The following APIP variants were observed in gnomAD, a reference collection of about 807,000 sequenced individuals.
APIP encodes methylthioribulose-1-phosphate dehydratase.
In APIP, 32 loss-of-function variants were observed where a neutral mutation model predicts 32.0. The ratio of observed to expected loss-of-function variants is 1.00; its 90% CI spans 0.76 to 1.34. APIP has a LOEUF of 1.34. APIP is among the 40% of genes most tolerant of loss of function. The pLI is 0.00. For synonymous variants in APIP, 92 were observed against 94.8 expected, an observed-to-expected ratio of 0.97 and a Z score of 0.17; for missense variants, 247 against 298.6, an observed-to-expected ratio of 0.83 and a Z score of 1.27.
Position 34,916,214 on chromosome 11 carries a change from G to A in APIP, c.57+14C>T, listed in dbSNP as rs1458138532. ...CCTCCTGGGAATACCGGGCACCGGT[G>A]GCCCCGCCCCTACCTGCGCGCCGCA... On this transcript the variant is annotated intron_variant, in intron 1 of 6. Coordinates refer to ENST00000395787, the MANE Select transcript of APIP (RefSeq NM_015957.4). 27 of 1,607,690 alleles carry A rather than the reference G, an allele frequency of 1.7e-5. No homozygotes were observed. The highest frequency in any genetic ancestry group is 2.2e-5 in the East Asian group (1 of 44,666).
In APIP at chr11:34,895,102, C is replaced by T. The variant is rs772161868; in HGVS notation, c.66G>A (p.Glu22=). The T allele has an allele frequency of 6.2e-7, 1 of 1,612,988 alleles. No individual in the cohort carries two copies. The highest frequency in any genetic ancestry group is 1.1e-5 in the South Asian group (1 of 91,040). ...GTTCTGGGATCAGGTATCTTGGATG[C>T]TCCTTGTCCTTAAAAAGAAGGTAAT... is the stretch of plus-strand genomic sequence containing the variant. The part of the protein sequence containing the change: ...CSRRCGAQDK[E]HPRYLIPELC... The change falls in exon 2 of 7, where the codon GAG becomes GAA. Residue 22 remains glutamate, a synonymous_variant. Coordinates refer to ENST00000395787, the MANE Select transcript of APIP (RefSeq NM_015957.4).
intron 5 of APIP, among the ~76,000 whole-genome samples, chr11:34,885,417 G>A (rs1853050164): frequency 6.6e-6 from 1 of 151,886 alleles, no homozygotes. Context: ...AGACCTGGTG[G>A]ACTGAACAAA....
At chr11:34,912,997 C>T (rs1278593466) in intron 1 of APIP, among the ~76,000 whole-genome samples, 1 of 152,160 alleles carries the variant, frequency 6.6e-6, no homozygotes, top group Non-Finnish European at 1.5e-5. Context: ...GACCACCAGG[C>T]CCCAATCACT....
At chr11:34,890,053 G>A (rs1207731440) in intron 3 of APIP, among the ~76,000 whole-genome samples, 1 of 151,784 alleles carries the variant, frequency 6.6e-6, no homozygotes, top group Non-Finnish European at 1.5e-5. Flanking sequence ...ACTAGATTTG[G>A]GGTATTATTC....
chr11:34,906,449 A>G (rs1400391902), intron 1 of APIP, among the ~76,000 whole-genome samples: 15 of 152,190 alleles, frequency 9.9e-5, no homozygotes, highest in Admixed American at 9.8e-4. Context: ...AAAACCATGA[A>G]TGGGAAATTC....
At chr11:34,893,449 T>C (rs1853212086) in intron 2 of APIP, among the ~76,000 whole-genome samples, 2 of 152,240 alleles carry the variant, frequency 1.3e-5, no homozygotes, top group Admixed American at 1.3e-4. Context: ...GAAACTATAT[T>C]ACTGGGACTC....
At chr11:34,889,407 CAGAA>C (rs1167959895) in intron 3 of APIP, among the ~76,000 whole-genome samples, 1 of 151,780 alleles carries the variant, frequency 6.6e-6, no homozygotes, top group African/African-American at 2.4e-5. Flanking sequence ...AGATGGTACT[CAGAA>C]AGGTTAATCT....
chr11:34,909,221 G>A lies in APIP; in HGVS notation c.57+7007C>T, dbSNP rs60248968. 5.5e-3 allele frequency among the ~76,000 whole-genome samples: 837 copies of A among 152,160 alleles called. 12 individuals carry two copies. Among genetic ancestry groups the A allele is most frequent in the African/African-American group, 0.019 (799 of 41,522 alleles). On this transcript the variant is annotated intron_variant, in intron 1 of 6. Transcript: ENST00000395787. ...GCTGAGTAGCTGAGTGGATGATATC[G>A]TTCCCTGGGATGTGGGTCAGAAACA...
rs1022315775 is a variant in APIP, at chr11:34,882,860, A to G, written c.630-44T>C. The G allele has an allele frequency of 3.1e-6, 4 of 1,283,760 alleles. No homozygotes were observed. In the South Asian group the frequency reaches 5.1e-5, roughly 16 times the overall value. 79.5% of individuals were successfully genotyped at this position (1,283,760 alleles called of 1,614,324 possible). On this transcript the variant is annotated intron_variant, in intron 6 of 6. Coordinates refer to ENST00000395787, the MANE Select transcript of APIP (RefSeq NM_015957.4). ...AAAGAACCAGTGTTTATCGAAACAG[A>G]GTTCTCCAATCCTAAAGAATCACAT...
chr11:34,896,496 C>T (rs1853273638), intron 1 of APIP, among the ~76,000 whole-genome samples: 1 of 152,164 alleles, frequency 6.6e-6, no homozygotes, highest in African/African-American at 2.4e-5. Context: ...ACTGCATGTT[C>T]TCACTCATAA....
intron 4 of APIP, 82 bp downstream of exon 4, chr11:34,888,670 T>A (rs1571135): frequency 0.36 from 444,857 of 1,231,064 alleles, 85,146 homozygotes; most frequent in East Asian, 0.72. Flanking sequence ...ATCCAAGAAA[T>A]GTTAACTGAA....
At chr11:34,909,324 A>C (rs1285352385) in intron 1 of APIP, among the ~76,000 whole-genome samples, 1 of 152,042 alleles carries the variant, frequency 6.6e-6, no homozygotes, top group Non-Finnish European at 1.5e-5. Flanking sequence ...GCCTGACCTA[A>C]AAGAATTCAC....
At position 34,888,292 on chromosome 11, in the gene APIP, C is replaced by T; in HGVS notation, c.461+1G>A. ...ATTTAAGAAAAAGGAAAAAAAAATA[C>T]CTATAATACCCTCCGGAAGTACATT... On this transcript the variant is annotated splice_donor_variant, in intron 5 of 6. Transcript: ENST00000395787. LOFTEE classifies it high-confidence loss of function. 6.4e-7 allele frequency: 1 copy of T among 1,572,842 alleles called. No homozygotes were observed.
chr11:34,905,360 AACTTACAATGACCCAGAATT>A (rs1853431371), intron 1 of APIP, among the ~76,000 whole-genome samples: 1 of 152,176 alleles, frequency 6.6e-6, no homozygotes, highest in Non-Finnish European at 1.5e-5. Flanking sequence ...ACGCTAAGGA[AACTTACAATGACCCAGAATT>A]CACTGTTTTA....
chr11:34,902,216 C>T (rs144147559), intron 1 of APIP, among the ~76,000 whole-genome samples: 1 of 152,336 alleles, frequency 6.6e-6, no homozygotes, highest in African/African-American at 2.4e-5. Context: ...TCCTTCCGTC[C>T]AGACTGCCCA....
rs57593563 is a variant in APIP, at chr11:34,898,786, GTTTTTTT to G, written c.58-3683_58-3677del. On this transcript the variant is annotated intron_variant, in intron 1 of 6. Transcript: ENST00000395787. Reference sequence around the variant, plus strand: ...CGAGCACATAGTATTTCTTTCTTTGGTTTTTTTTTTTTTTTTTTTTTTTTTTTTTTGA... The same window carrying G: ...CGAGCACATAGTATTTCTTTCTTTGGTTTTTTTTTTTTTTTTTTTTTTTGA... Among the ~76,000 whole-genome samples the G allele has an allele frequency of 1.7e-3, 92 of 55,190 alleles. 1 individual carries two copies. The highest frequency in any genetic ancestry group is 7.0e-3 in the African/African-American group (84 of 11,966). 36.2% of individuals were successfully genotyped at this position (55,190 alleles called of 152,430 possible).
At chr11:34,888,620 G>A in intron 4 of APIP, 132 bp downstream of exon 4, 3 of 1,098,146 alleles carry the variant, frequency 2.7e-6, no homozygotes, top group Non-Finnish European at 3.9e-6. Context: ...TGTGAGAACT[G>A]AGTAAGTTCA....
At chr11:34,903,143 T>A (rs2133918199) in intron 1 of APIP, among the ~76,000 whole-genome samples, 1 of 152,322 alleles carries the variant, frequency 6.6e-6, no homozygotes, top group African/African-American at 2.4e-5. Context: ...CTTGTTCTCA[T>A]CTAAATCCAG....
rs1853245574 is a variant in APIP, at chr11:34,895,087, C to G, written c.81G>C (p.Leu27=). Residue 27 remains leucine (L), a synonymous_variant, in exon 2 of 7, where the codon CTG becomes CTC. Transcript: ENST00000395787. ...GAQDKEHPRY[L]IPELCKQFYH... The stretch of plus-strand genomic sequence containing the variant: ...AAAACTGTTTGCAAAGTTCTGGGAT[C>G]AGGTATCTTGGATGCTCCTTGTCCT... 6.2e-7 allele frequency: 1 copy of G among 1,614,022 alleles called. No homozygotes were observed. The highest frequency in any genetic ancestry group is 8.5e-7 in the Non-Finnish European group (1 of 1,179,954).
Sources: allele counts gnomAD v4.1 joint callset (sites outside exome capture counted in the v4.1 genomes callset), GRCh38; gene constraint gnomAD v4.1.1; transcripts MANE v1.5; gene names NCBI Gene and HGNC (gene_info 2026-07-23, HGNC 2026-07-21).